CUBN: variants seen among roughly 807,000 people sequenced by gnomAD.
CUBN encodes cubilin, also known as 460 kDa receptor.
In CUBN, 282 loss-of-function variants were observed where a neutral mutation model predicts 405.3. The observed-to-expected ratio is 0.70, with a 90% CI of 0.63 to 0.77. CUBN has a LOEUF of 0.77. CUBN is among the 30% of genes least tolerant of loss of function. The pLI is 0.00. For missense variants in CUBN, 4,514 were observed against 4,475.2 expected (o/e 1.01, Z -0.25); for synonymous variants, 1,684 against 1,617.0 (o/e 1.04, Z -0.99).
intron 50 of CUBN, among the ~76,000 whole-genome samples, chr10:16,905,585 G>C (rs1317191349): frequency 6.6e-6 from 1 of 152,138 alleles, no homozygotes; most frequent in Non-Finnish European, 1.5e-5. Context: ...CCTTGGAAAG[G>C]AGTCTTGATA....
intron 17 of CUBN, among the ~76,000 whole-genome samples, chr10:17,083,679 G>A (rs1836026828): frequency 1.3e-5 from 2 of 152,000 alleles, no homozygotes; most frequent in Admixed American, 6.5e-5. Flanking sequence ...ATGAATAAAT[G>A]GATTTAACTT....
intron 22 of CUBN, among the ~76,000 whole-genome samples, chr10:17,058,886 T>C (rs1263213434): frequency 6.6e-6 from 1 of 152,110 alleles, no homozygotes; most frequent in Non-Finnish European, 1.5e-5. Flanking sequence ...AATGCAAAGA[T>C]AAAAATGTAT....
intron 21 of CUBN, among the ~76,000 whole-genome samples, chr10:17,067,089 T>G (rs768087299): frequency 2.0e-5 from 3 of 151,954 alleles, no homozygotes; most frequent in Non-Finnish European, 4.4e-5. Flanking sequence ...GCCAAAAACA[T>G]AAAATTGAAA....
chr10:16,856,883 TG>T (rs796873429), intron 59 of CUBN, among the ~76,000 whole-genome samples: 43 of 152,322 alleles, frequency 2.8e-4, no homozygotes, highest in African/African-American at 1.0e-3. Context: ...CATTTAAAGC[TG>T]GTGCCTTAGG....
chr10:16,999,106 G>T lies in CUBN; in HGVS notation c.4169-8591C>A, dbSNP rs904139425. Among the ~76,000 whole-genome samples the T allele has an allele frequency of 2.3e-4, 35 of 152,298 alleles. 6 individuals are homozygous for T. The highest frequency in any genetic ancestry group is 1.4e-3 in the Admixed American group (22 of 15,296). ...TCAGTGACTTGGAAAACAGATACAA[G>T]AAGCTTAGAAATCAATGCTGTGGAC... On this transcript the variant is annotated intron_variant, in intron 28 of 66. Transcript: ENST00000377833.
Position 16,867,180 on chromosome 10 carries a change from A to G in CUBN, c.9454+2456T>C, listed in dbSNP as rs1257888747. ...AGTGAAGATATTGTTTTCCAGGCTGAGCAAACAGCTTTGTAAATGAAAATC... is the reference window on the plus strand; with the variant it reads ...AGTGAAGATATTGTTTTCCAGGCTGGGCAAACAGCTTTGTAAATGAAAATC... On this transcript the variant is annotated intron_variant, in intron 59 of 66. Coordinates refer to ENST00000377833, the MANE Select transcript of CUBN (RefSeq NM_001081.4). Among the ~76,000 whole-genome samples the G allele has an allele frequency of 2.6e-5, 4 of 152,216 alleles. No individual in the cohort carries two copies. In the East Asian group the frequency reaches 7.7e-4, roughly 29 times the overall value.
At chr10:17,123,181 ATACT>A (rs1276709610) in intron 5 of CUBN, among the ~76,000 whole-genome samples, 1 of 152,196 alleles carries the variant, frequency 6.6e-6, no homozygotes, top group Non-Finnish European at 1.5e-5. Flanking sequence ...ACATCTGGGA[ATACT>A]TACTTAACTT....
chr10:17,035,211 C>A (rs1286625375), intron 27 of CUBN, among the ~76,000 whole-genome samples: 4 of 152,060 alleles, frequency 2.6e-5, no homozygotes, highest in African/African-American at 9.7e-5. Context: ...AAAAGGAGAA[C>A]CCTCTAAAGA....
intron 25 of CUBN, 117 bp downstream of exon 25, chr10:17,044,884 AATTTTT>A: frequency 9.7e-7 from 1 of 1,035,360 alleles, no homozygotes; most frequent in South Asian, 1.3e-5. Flanking sequence ...ATTTTGTTTG[AATTTTT>A]ATATGGATGT....
intron 17 of CUBN, among the ~76,000 whole-genome samples, chr10:17,082,588 C>T (rs981375731): frequency 4.6e-5 from 7 of 152,138 alleles, no homozygotes; most frequent in Non-Finnish European, 8.8e-5. Flanking sequence ...ATTATAGTTA[C>T]ATTCTTGCGT....
At chr10:17,012,562 G>C (rs1423629010) in intron 28 of CUBN, among the ~76,000 whole-genome samples, 1 of 152,214 alleles carries the variant, frequency 6.6e-6, no homozygotes, top group Non-Finnish European at 1.5e-5. Flanking sequence ...AATGCTTTGA[G>C]AGTGTGTGGT....
chr10:16,932,252 G>C (rs1394165098), intron 40 of CUBN, among the ~76,000 whole-genome samples: 4 of 152,132 alleles, frequency 2.6e-5, no homozygotes, highest in African/African-American at 9.7e-5. Flanking sequence ...ACAAGATCTT[G>C]CACACTAGCA....
intron 28 of CUBN, among the ~76,000 whole-genome samples, chr10:16,999,471 C>T (rs917816430): frequency 6.6e-6 from 1 of 152,168 alleles, no homozygotes; most frequent in Non-Finnish European, 1.5e-5. Context: ...AGTAGAAATC[C>T]CTTGCTTACA....
chr10:17,056,131 G>A (rs1835389736), intron 22 of CUBN, among the ~76,000 whole-genome samples: 1 of 152,090 alleles, frequency 6.6e-6, no homozygotes, highest in Admixed American at 6.6e-5. Flanking sequence ...AACACAGGCA[G>A]GTGATTTTCA....
At position 17,105,472 on chromosome 10, in the gene CUBN, T is replaced by C; in HGVS notation, c.1215A>G (p.Leu405=). ...LSNICLSHPC[L]NGQCIDTVSG... ...AAGGACTCACGATGCATTGTCCATT[T>C]AGACAGGGGTGACTTAGGCAAATAT... is the stretch of plus-strand genomic sequence containing the variant. The change falls in exon 11 of 67, where the codon CTA becomes CTG. Residue 405 remains leucine, a synonymous_variant. Transcript: ENST00000377833. 1 of 1,593,240 alleles carries C rather than the reference T, an allele frequency of 6.3e-7. No individual in the cohort carries two copies.
chr10:16,901,918 T>TATATATATACAC lies in CUBN; in HGVS notation c.8063-460_8063-459insGTGTATATATAT, dbSNP rs1236540013. ...ATATATATATATATATATATATATATACACACACACACACACACCATATAT... is the reference window on the plus strand; with the variant it reads ...ATATATATATATATATATATATATATATATATATACACACACACACACACACACACCATATAT... On this transcript the variant is annotated intron_variant, in intron 51 of 66. Coordinates refer to ENST00000377833, the MANE Select transcript of CUBN (RefSeq NM_001081.4). 7.3e-4 allele frequency among the ~76,000 whole-genome samples: 80 copies of TATATATATACAC among 109,888 alleles called. 1 individual carries two copies. The highest frequency in any genetic ancestry group is 6.0e-3 in the South Asian group (21 of 3,504). 72.1% of individuals were successfully genotyped at this position (109,888 alleles called of 152,430 possible).
intron 17 of CUBN, among the ~76,000 whole-genome samples, 192 bp downstream of exon 17, chr10:17,084,079 T>C (rs1370174303): frequency 2.0e-5 from 3 of 152,210 alleles, no homozygotes; most frequent in Non-Finnish European, 1.5e-5. Flanking sequence ...TAAATCTGTA[T>C]CTTATTAGTA....
intron 59 of CUBN, among the ~76,000 whole-genome samples, chr10:16,864,017 T>C (rs151105028): frequency 1.5e-4 from 22 of 151,718 alleles, no homozygotes; most frequent in Admixed American, 1.4e-3. Context: ...CCAACAATTA[T>C]ATAAACCAGG....
At chr10:17,065,135 C>CT (rs1177664872) in intron 22 of CUBN, among the ~76,000 whole-genome samples, 1 of 140,450 alleles carries the variant, frequency 7.1e-6, no homozygotes, top group African/African-American at 2.9e-5. Context: ...TCTCTCCCCC[C>CT]CCCCCCACAC....
Sources: allele counts gnomAD v4.1 joint callset (sites outside exome capture counted in the v4.1 genomes callset), GRCh38; gene constraint gnomAD v4.1.1; transcripts MANE v1.5; gene names NCBI Gene and HGNC (gene_info 2026-07-23, HGNC 2026-07-21).